DDR2: variants seen among roughly 807,000 people sequenced by gnomAD.
DDR2 encodes the protein discoidin domain-containing receptor 2.
In DDR2, 27 loss-of-function variants were observed where a neutral mutation model predicts 94.9. The ratio of observed to expected loss-of-function variants is 0.28; its 90% CI spans 0.21 to 0.39. The LOEUF (loss-of-function observed/expected upper bound fraction) is 0.39, where lower values mean the gene tolerates loss of function less well. DDR2 is among the 10% of genes least tolerant of loss of function. DDR2 has a pLI of 1.00. For synonymous variants in DDR2, 382 were observed against 377.2 expected (o/e 1.01, Z -0.15); for missense variants, 783 against 1,076.0 (o/e 0.73, Z 3.81).
intron 8 of DDR2, among the ~76,000 whole-genome samples, chr1:162,760,423 T>C (rs1315667685): frequency 6.7e-6 from 1 of 149,360 alleles, no homozygotes; most frequent in African/African-American, 2.4e-5. Context: ...GATATATATA[T>C]ATACACAACT....
At chr1:162,668,096 C>T (rs1033406515) in intron 2 of DDR2, among the ~76,000 whole-genome samples, 4 of 152,032 alleles carry the variant, frequency 2.6e-5, no homozygotes, top group Admixed American at 6.6e-5. Flanking sequence ...GGAGTACAAA[C>T]TTTAAGGGGA....
chr1:162,634,391 G>A (rs1344185681), intron 1 of DDR2, among the ~76,000 whole-genome samples: 2 of 152,218 alleles, frequency 1.3e-5, no homozygotes, highest in Non-Finnish European at 2.9e-5. Context: ...CAGTGTGATT[G>A]CTGCAAGAGG....
rs1193390242 is a variant in DDR2, at chr1:162,761,307, A to T, written c.952A>T (p.Ile318Phe). The T allele has an allele frequency of 6.2e-7, 1 of 1,613,950 alleles. No individual in the cohort carries two copies. The highest frequency in any genetic ancestry group is 8.5e-7 in the Non-Finnish European group (1 of 1,180,012). ...AGCCAGTGAGTGGGAACCTAATGCC[A>T]TTTCCTTCCCCCTTGTCCTGGATGA... is the stretch of plus-strand genomic sequence containing the variant. ...SEASEWEPNA[I>F]SFPLVLDDVN... The change falls in exon 9 of 18, where the codon ATT (isoleucine) becomes TTT (phenylalanine). Residue 318 changes from isoleucine (I) to phenylalanine (F), a missense_variant. Transcript: ENST00000367921.
At chr1:162,666,317 A>G (rs574844064) in intron 2 of DDR2, among the ~76,000 whole-genome samples, 3 of 152,346 alleles carry the variant, frequency 2.0e-5, no homozygotes, top group African/African-American at 7.2e-5. Flanking sequence ...TTGTTCATCT[A>G]TGCAGCTCTT....
intron 3 of DDR2, among the ~76,000 whole-genome samples, chr1:162,728,544 A>G (rs1008068052): frequency 1.3e-5 from 2 of 152,132 alleles, no homozygotes; most frequent in African/African-American, 4.8e-5. Flanking sequence ...GTATATGACA[A>G]ATGTTTTATG....
At chr1:162,765,751 T>G (rs1663961029) in intron 9 of DDR2, among the ~76,000 whole-genome samples, 1 of 149,974 alleles carries the variant, frequency 6.7e-6, no homozygotes, top group South Asian at 2.2e-4. Context: ...TCACTGTTTC[T>G]TAAACTTTTT....
upstream of DDR2, chr1:162,631,385 G>T (rs1656554079): frequency 6.6e-6 from 1 of 152,272 alleles, no homozygotes; most frequent in African/African-American, 2.4e-5. Context: ...ACAGAGAAGA[G>T]CTGGTGATAG....
At chr1:162,688,341 T>G (rs184643107) in intron 2 of DDR2, among the ~76,000 whole-genome samples, 20 of 152,370 alleles carry the variant, frequency 1.3e-4, no homozygotes. Flanking sequence ...GCCTGCTATT[T>G]TCTGGGTAAT....
At chr1:162,658,363 C>T (rs1658112792) in intron 2 of DDR2, among the ~76,000 whole-genome samples, 1 of 152,152 alleles carries the variant, frequency 6.6e-6, no homozygotes, top group African/African-American at 2.4e-5. Flanking sequence ...GTAAACAAAA[C>T]TCTGTGATCA....
intron 2 of DDR2, among the ~76,000 whole-genome samples, chr1:162,656,639 T>C (rs528592506): frequency 2.6e-5 from 4 of 151,974 alleles, no homozygotes; most frequent in Admixed American, 1.3e-4. Context: ...ATGGGGGAGT[T>C]AAGAGGTCTT....
intron 2 of DDR2, among the ~76,000 whole-genome samples, chr1:162,717,635 T>G (rs1484016647): frequency 2.0e-5 from 3 of 152,140 alleles, no homozygotes; most frequent in Non-Finnish European, 2.9e-5. Flanking sequence ...ACCTTGACAG[T>G]TTTGAGGATT....
chr1:162,692,194 A>AC lies in DDR2; in HGVS notation c.-27-26841dup, dbSNP rs541514030. Among the ~76,000 whole-genome samples the AC allele has an allele frequency of 5.5e-4, 83 of 152,140 alleles. 1 individual carries two copies. The South Asian group carries it at 0.016, about 29-fold the overall frequency. On this transcript the variant is annotated intron_variant, in intron 2 of 17. Coordinates refer to ENST00000367921, the MANE Select transcript of DDR2 (RefSeq NM_006182.4). ...TGGCTGACACCCACCTCCTCCCACC[A>AC]CCGTTTAGAAAGTGCCTTCCCTCCA...
At chr1:162,643,882 G>T (rs939879610) in intron 1 of DDR2, among the ~76,000 whole-genome samples, 2 of 152,212 alleles carry the variant, frequency 1.3e-5, no homozygotes, top group African/African-American at 4.8e-5. Context: ...TTAGGGCAAG[G>T]AGAAGCCTGG....
At chr1:162,773,876 A>G (rs777394124) in intron 14 of DDR2, among the ~76,000 whole-genome samples, 8 of 152,240 alleles carry the variant, frequency 5.3e-5, no homozygotes, top group Non-Finnish European at 1.2e-4. Flanking sequence ...AACATATACA[A>G]CTGTCTAAAT....
At position 162,785,091 on chromosome 1, in the gene DDR2, G is replaced by C. The variant is rs771945562; in HGVS notation, c.*4845G>C. 1 of 152,122 alleles carries C rather than the reference G, an allele frequency of 6.6e-6. No individual in the cohort carries two copies. Among genetic ancestry groups the C allele is most frequent in the Non-Finnish European group, 1.5e-5 (1 of 68,020 alleles). 9.4% of individuals were successfully genotyped at this position (152,122 alleles called of 1,614,324 possible). A position where few individuals can be genotyped will look rare whatever the true frequency, so the allele number is the denominator to read the frequency against. ...ACACTGCTTCTAAATTTTCTGATTT[G>C]TTTGGCTGTTTGGCATCTGAAACAA... On this transcript the variant is annotated 3_prime_UTR_variant, in exon 18 of 18. Transcript: ENST00000367921.
intron 2 of DDR2, among the ~76,000 whole-genome samples, chr1:162,687,726 A>T (rs1439041036): frequency 6.6e-6 from 1 of 152,150 alleles, no homozygotes; most frequent in Non-Finnish European, 1.5e-5. Flanking sequence ...ATGCTGCCTG[A>T]GCCAGGTTGG....
intron 2 of DDR2, among the ~76,000 whole-genome samples, chr1:162,703,792 T>C (rs1052834985): frequency 1.3e-5 from 2 of 152,118 alleles, no homozygotes; most frequent in Non-Finnish European, 2.9e-5. Context: ...GTCTAATGGA[T>C]TTTTCCCCAT....
At position 162,643,192 on chromosome 1, in the gene DDR2, T is replaced by A. The variant is rs200409186; in HGVS notation, c.-192+10561T>A. On this transcript the variant is annotated intron_variant, in intron 1 of 17. Coordinates refer to ENST00000367921, the MANE Select transcript of DDR2 (RefSeq NM_006182.4). Reference sequence around the variant, plus strand: ...CAGCTTCTTCTGCCCCTCTCCTAGATCCACCAGCGCCCCCCATGCTCCAGA... The same window carrying A: ...CAGCTTCTTCTGCCCCTCTCCTAGAACCACCAGCGCCCCCCATGCTCCAGA... Among the ~76,000 whole-genome samples the A allele has an allele frequency of 5.9e-5, 9 of 152,224 alleles. No individual in the cohort carries two copies. The East Asian group carries it at 1.7e-3, about 29-fold the overall frequency.
chr1:162,659,189 A>C (rs559532916), intron 2 of DDR2, among the ~76,000 whole-genome samples: 1 of 152,316 alleles, frequency 6.6e-6, no homozygotes, highest in South Asian at 2.1e-4. Context: ...ATAGGAAAGG[A>C]AAGGAATGAA....
Sources: allele counts gnomAD v4.1 joint callset (sites outside exome capture counted in the v4.1 genomes callset), GRCh38; gene constraint gnomAD v4.1.1; transcripts MANE v1.5; gene names NCBI Gene and HGNC (gene_info 2026-07-23, HGNC 2026-07-21).